The following ADRA1A variants were observed in gnomAD, a reference collection of about 807,000 sequenced individuals.
The protein encoded by ADRA1A is alpha-1A adrenergic receptor.
ADRA1A carries 31 observed loss-of-function variants against 29.6 expected under a neutral mutation model. The observed-to-expected ratio is 1.05, with a 90% confidence interval of 0.79 to 1.41. The LOEUF (loss-of-function observed/expected upper bound fraction) is 1.41. Ranked by LOEUF, ADRA1A falls within the 40% of genes most tolerant of loss-of-function variation. The pLI, the probability that ADRA1A is intolerant of heterozygous loss-of-function variation, is 0.00. For missense variants in ADRA1A, 619 were observed against 601.1 expected (o/e 1.03, Z -0.31); for synonymous variants, 311 against 254.3 (o/e 1.22, Z -2.12).
chr8:26,801,506 C>A (rs949403098), intron 2 of ADRA1A, among the ~76,000 whole-genome samples: 7 of 152,044 alleles, frequency 4.6e-5, no homozygotes, highest in African/African-American at 1.7e-4. Context: ...AAAAGTAATT[C>A]TATTTACAAT....
At chr8:26,795,126 G>C (rs1808105382) in intron 2 of ADRA1A, among the ~76,000 whole-genome samples, 1 of 152,068 alleles carries the variant, frequency 6.6e-6, no homozygotes, top group African/African-American at 2.4e-5. Context: ...AAAGGACCAA[G>C]ACTTCCTGGA....
chr8:26,806,713 G>A lies in ADRA1A; in HGVS notation c.884-36047C>T, dbSNP rs1585730355. Reference sequence around the variant, plus strand: ...TTACTCTGGCTTAACCGAGAGTTCGGTCATTACATAAAGCTGCCACATGCC... The same window carrying A: ...TTACTCTGGCTTAACCGAGAGTTCGATCATTACATAAAGCTGCCACATGCC... On this transcript the variant is annotated intron_variant, in intron 2 of 2. Transcript: ENST00000380573. This position sits in a 1 kb window ranked among gnomAD's most constrained non-coding sequence, Gnocchi z 4.6. 6.6e-6 allele frequency among the ~76,000 whole-genome samples: 1 copy of A among 152,166 alleles called. No homozygotes were observed. The highest frequency in any genetic ancestry group is 6.5e-5 in the Admixed American group (1 of 15,280).
chr8:26,784,411 G>T lies in ADRA1A; in HGVS notation c.884-13745C>A, dbSNP rs370844240. ...AGATCACCACCAATAATAGTTTCTGGATGTGCTGTTAGAGAACAATAGTGT... is the reference window on the plus strand; with the variant it reads ...AGATCACCACCAATAATAGTTTCTGTATGTGCTGTTAGAGAACAATAGTGT... On this transcript the variant is annotated intron_variant, in intron 2 of 2. Transcript: ENST00000380573. 1.3e-4 allele frequency among the ~76,000 whole-genome samples: 20 copies of T among 152,296 alleles called. No homozygotes were observed. In the East Asian group the frequency reaches 3.5e-3, roughly 26 times the overall value.
chr8:26,776,283 G>C (rs893470979), intron 2 of ADRA1A, among the ~76,000 whole-genome samples: 1 of 152,138 alleles, frequency 6.6e-6, no homozygotes, highest in African/African-American at 2.4e-5. Flanking sequence ...TCAGAATGAG[G>C]GTGACTTGAT....
intron 2 of ADRA1A, among the ~76,000 whole-genome samples, chr8:26,781,377 G>A (rs867215592): frequency 9.2e-5 from 14 of 152,148 alleles, no homozygotes; most frequent in Middle Eastern, 3.4e-3. Context: ...TCCTTCATTC[G>A]TGTCTCTCTA....
chr8:26,863,810 A>G (rs142116398), intron 2 of ADRA1A, among the ~76,000 whole-genome samples: 129 of 152,334 alleles, frequency 8.5e-4, no homozygotes, highest in African/African-American at 2.9e-3. Context: ...GCATTAAGAA[A>G]AGTTGACATT....
intron 2 of ADRA1A, among the ~76,000 whole-genome samples, chr8:26,778,751 A>T (rs1036966612): frequency 1.5e-5 from 2 of 135,084 alleles, no homozygotes; most frequent in Non-Finnish European, 3.1e-5. Flanking sequence ...CAATGACTAT[A>T]CTTGGACACA....
intron 2 of ADRA1A, among the ~76,000 whole-genome samples, chr8:26,781,952 G>A (rs1003516875): frequency 2.6e-5 from 4 of 152,210 alleles, no homozygotes; most frequent in African/African-American, 9.6e-5. Context: ...GGTGAACAGG[G>A]GAGCAGGAAA....
intron 2 of ADRA1A, among the ~76,000 whole-genome samples, chr8:26,845,436 G>T (rs77958271): frequency 6.6e-6 from 1 of 152,148 alleles, no homozygotes. Context: ...AAAATGACAA[G>T]TAATGGTGAG....
chr8:26,757,860 C>CACGCACACAA (rs2130185393), intron 2 of ADRA1A, among the ~76,000 whole-genome samples: 1 of 37,442 alleles, frequency 2.7e-5, no homozygotes, highest in South Asian at 1.1e-3. Flanking sequence ...TAAGCACACG[C>CACGCACACAA]ACACACACAG....
rs375683042 is a variant in ADRA1A, at chr8:26,770,386, G to A, written c.1164C>T (p.Ile388=). The change falls in exon 3 of 3, where the codon ATC becomes ATT. Residue 388 remains isoleucine, a synonymous_variant. Transcript: ENST00000380573. The part of the protein sequence containing the change: ...PVGSRETFYR[I]SKTDGVCEWK... ...ATTCACAAACGCCATCCGTCTTGGA[G>A]ATCCTGTAGAAGGTCTCTCTTGATC... The A allele has an allele frequency of 2.5e-6, 4 of 1,614,240 alleles. No individual in the cohort carries two copies. Among genetic ancestry groups the A allele is most frequent in the Non-Finnish European group, 3.4e-6 (4 of 1,180,042 alleles).
rs986334783 is a variant in ADRA1A at position 26,806,315 on chromosome 8, T to C, written c.884-35649A>G. Among the ~76,000 whole-genome samples, 27 of 150,316 alleles carry C rather than the reference T, an allele frequency of 1.8e-4. No individual in the cohort carries two copies. Among genetic ancestry groups the C allele is most frequent in the Non-Finnish European group, 3.0e-4 (20 of 67,780 alleles). On this transcript the variant is annotated intron_variant, in intron 2 of 2. Coordinates refer to ENST00000380573, the MANE Select transcript of ADRA1A (RefSeq NM_000680.4). This position sits in a 1 kb window ranked among gnomAD's most constrained non-coding sequence, Gnocchi z 4.6. ...TACACCAAAGATTTTTTTTTTTTTT[T>C]CGAAAGCTGCCTTCTGTTTTGCTCT... is the stretch of plus-strand genomic sequence containing the variant.
chr8:26,749,358 TA>T (rs1804824471), intron 2 of ADRA1A, among the ~76,000 whole-genome samples: 1 of 152,244 alleles, frequency 6.6e-6, no homozygotes, highest in Non-Finnish European at 1.5e-5. Flanking sequence ...ATTCTGTTTT[TA>T]TAAAGATATT....
chr8:26,828,254 CTTGG>C (rs1159342353), intron 2 of ADRA1A, among the ~76,000 whole-genome samples: 1 of 152,166 alleles, frequency 6.6e-6, no homozygotes, highest in East Asian at 1.9e-4. Context: ...AGAAACTGTT[CTTGG>C]AGTGCTTGAC....
chr8:26,756,286 G>C (rs1219140046), downstream of ADRA1A: 5 of 471,844 alleles, frequency 1.1e-5, no homozygotes, highest in Non-Finnish European at 1.0e-5. Context: ...AACAAGGCTT[G>C]TACAGTATAC....
chr8:26,865,086 G>A lies in ADRA1A; in HGVS notation c.-117C>T. The A allele has an allele frequency of 6.7e-7, 1 of 1,500,662 alleles. No homozygotes were observed. The highest frequency in any genetic ancestry group is 8.8e-7 in the Non-Finnish European group (1 of 1,135,708). 93.0% of individuals were successfully genotyped at this position (1,500,662 alleles called of 1,614,324 possible). Reference sequence around the variant, plus strand: ...GTCTCGGCTGGAGGGAGCCCTGCCAGGTGGGTTTGGCTGGGGGTGAGAGCG... The same window carrying A: ...GTCTCGGCTGGAGGGAGCCCTGCCAAGTGGGTTTGGCTGGGGGTGAGAGCG... On this transcript the variant is annotated 5_prime_UTR_variant, in exon 2 of 3. Coordinates refer to ENST00000380573, the MANE Select transcript of ADRA1A (RefSeq NM_000680.4). This position sits in a 1 kb window ranked among gnomAD's most constrained non-coding sequence, Gnocchi z 7.6.
At chr8:26,760,880 C>T (rs986316513), downstream of ADRA1A, among the ~76,000 whole-genome samples, 3 of 152,234 alleles carry the variant, frequency 2.0e-5, no homozygotes, top group East Asian at 5.8e-4. Context: ...CCCTTAGAAT[C>T]CTCAGGGTCA....
intron 2 of ADRA1A, chr8:26,858,947 T>C: frequency 1.1e-6 from 1 of 895,240 alleles, no homozygotes; most frequent in East Asian, 6.9e-5. Context: ...CAACCCAGCC[T>C]TAGTGGAAAG....
At chr8:26,832,142 A>G (rs1320923203) in intron 2 of ADRA1A, among the ~76,000 whole-genome samples, 2 of 152,174 alleles carry the variant, frequency 1.3e-5, no homozygotes, top group East Asian at 3.9e-4. Context: ...TTGGGAACGA[A>G]GTCTTTGGAG....
Sources: gnomAD v4.1 joint callset for allele counts (sites outside exome capture counted in the v4.1 genomes callset) on GRCh38, gnomAD v4.1.1 for gene constraint, Gnocchi (gnomAD v3.1) non-coding constraint, MANE v1.5 for transcripts, NCBI Gene and HGNC (gene_info 2026-07-23, HGNC 2026-07-21) for gene names.